The following B3GALNT2 variants were observed in gnomAD, a reference collection of about 807,000 sequenced individuals.
The protein encoded by B3GALNT2 is UDP-GalNAc:beta-1,3-N-acetylgalactosaminyltransferase 2.
A neutral mutation model predicts 61.1 loss-of-function variants in B3GALNT2; 53 were observed. That is an observed-to-expected ratio of 0.87 (90% confidence interval 0.70 to 1.09). The LOEUF is 1.09. B3GALNT2 is among the 50% of genes least tolerant of loss of function. The pLI, the probability that B3GALNT2 is intolerant of heterozygous loss-of-function variation, is 0.00. For missense variants in B3GALNT2, 544 were observed against 623.0 expected, an observed-to-expected ratio of 0.87 and a Z score of 1.35; for synonymous variants, 223 against 237.4, an observed-to-expected ratio of 0.94 and a Z score of 0.56.
intron 1 of B3GALNT2, among the ~76,000 whole-genome samples, chr1:235,498,901 G>A (rs945458204): frequency 2.8e-5 from 4 of 144,468 alleles, no homozygotes; most frequent in Admixed American, 7.3e-5. Context: ...TTGCGGGAAG[G>A]AATGTAATTT....
chr1:235,479,005 A>T (rs1179925775), intron 5 of B3GALNT2: 3 of 152,224 alleles, frequency 2.0e-5, no homozygotes, highest in Non-Finnish European at 4.4e-5. Flanking sequence ...TATAAGCAGT[A>T]TGCTGAGAGT....
At chr1:235,463,026 T>C (rs1200807834) in intron 7 of B3GALNT2, among the ~76,000 whole-genome samples, 5 of 152,172 alleles carry the variant, frequency 3.3e-5, no homozygotes, top group African/African-American at 9.7e-5. Context: ...TATATATATA[T>C]ACCATGGAGT....
At position 235,463,124 on chromosome 1, in the gene B3GALNT2, G is replaced by C. The variant is rs1184123123; in HGVS notation, c.841+2512C>G. On this transcript the variant is annotated intron_variant, in intron 7 of 11. Transcript: ENST00000366600. ...CCATTATTCTAAGTAAAGTAACTCAGGAATGGAAATCCAAACATCGTATGT... is the reference window on the plus strand; with the variant it reads ...CCATTATTCTAAGTAAAGTAACTCACGAATGGAAATCCAAACATCGTATGT... 2.0e-5 allele frequency among the ~76,000 whole-genome samples: 3 copies of C among 152,158 alleles called. No individual in the cohort carries two copies. The East Asian group carries it at 5.8e-4, about 29-fold the overall frequency.
At chr1:235,460,359 G>C (rs1356566238) in intron 7 of B3GALNT2, among the ~76,000 whole-genome samples, 1 of 149,748 alleles carries the variant, frequency 6.7e-6, no homozygotes, top group Non-Finnish European at 1.5e-5. Context: ...GGCCAGGCTG[G>C]TCTCGAACTC....
intron 7 of B3GALNT2, chr1:235,464,404 C>T (rs2102801110): frequency 6.6e-6 from 1 of 151,484 alleles, no homozygotes. Flanking sequence ...ACTCTCTCTC[C>T]CCTCCTTTCC....
Position 235,469,776 on chromosome 1 carries a change from G to A in B3GALNT2, c.762+1074C>T, listed in dbSNP as rs181785951. On this transcript the variant is annotated intron_variant, in intron 6 of 11. Coordinates refer to ENST00000366600, the MANE Select transcript of B3GALNT2 (RefSeq NM_152490.5). Reference sequence around the variant, plus strand: ...GGGGTTTCACCATGTTGGCCAGGCTGGTCTTGACCTCCTGACCTCCAGTGG... The same window carrying A: ...GGGGTTTCACCATGTTGGCCAGGCTAGTCTTGACCTCCTGACCTCCAGTGG... Among the ~76,000 whole-genome samples the A allele has an allele frequency of 8.4e-4, 128 of 151,618 alleles. 2 individuals carry two copies. The East Asian group carries it at 0.021, about 25-fold the overall frequency.
At chr1:235,459,388 C>T (rs929683224) in intron 7 of B3GALNT2, among the ~76,000 whole-genome samples, 1 of 152,014 alleles carries the variant, frequency 6.6e-6, no homozygotes, top group South Asian at 2.1e-4. Context: ...TCCGTGAAGC[C>T]GAGGGAGGAG....
At chr1:235,475,772 A>C (rs1280767679) in intron 5 of B3GALNT2, among the ~76,000 whole-genome samples, 2 of 152,200 alleles carry the variant, frequency 1.3e-5, no homozygotes, top group Non-Finnish European at 2.9e-5. Context: ...CAAAAAGAAG[A>C]AAATTAAAAT....
intron 6 of B3GALNT2, 89 bp downstream of exon 6, chr1:235,470,761 G>A: frequency 6.6e-7 from 1 of 1,518,936 alleles, no homozygotes; most frequent in Non-Finnish European, 8.8e-7. Flanking sequence ...GCTCCATGCT[G>A]CCTGGGCTCT....
At chr1:235,441,567 A>C in the B3GALNT2 span, 1 of 530,212 alleles carries the variant, frequency 1.9e-6, no homozygotes, top group East Asian at 3.2e-5. Context: ...GTTGAGTTTC[A>C]CTGGTCATTA....
intron 7 of B3GALNT2, 125 bp from the exon 8 acceptor site, chr1:235,458,911 CT>C: frequency 1.1e-6 from 1 of 871,146 alleles, no homozygotes; most frequent in Non-Finnish European, 1.6e-6. Flanking sequence ...TTGTTTGGAA[CT>C]TTAGGTAGAA....
In B3GALNT2 at chr1:235,447,985, C is replaced by A. The variant is rs192678540; in HGVS notation, c.*2221G>T. On this transcript the variant is annotated 3_prime_UTR_variant, in exon 12 of 12. Coordinates refer to ENST00000366600, the MANE Select transcript of B3GALNT2 (RefSeq NM_152490.5). ...CAGCACTTTGGGGGGCCAGGGCGGG[C>A]GGATCACGAGGTCAGGAGTTCAAGA... 1.3e-5 allele frequency among the ~76,000 whole-genome samples: 2 copies of A among 151,852 alleles called. No individual in the cohort carries two copies. The highest frequency in any genetic ancestry group is 2.9e-5 in the Non-Finnish European group (2 of 67,968).
chr1:235,453,265 CT>C (rs778003251), intron 10 of B3GALNT2, 119 bp from the exon 11 acceptor site: 28 of 1,023,870 alleles, frequency 2.7e-5, no homozygotes, highest in African/African-American at 4.9e-5. Flanking sequence ...TGTTATTATT[CT>C]AATATGAAAT....
Position 235,487,684 on chromosome 1 carries a change from A to G in B3GALNT2, c.361+1484T>C, listed in dbSNP as rs562029868. On this transcript the variant is annotated intron_variant, in intron 3 of 11. Coordinates refer to ENST00000366600, the MANE Select transcript of B3GALNT2 (RefSeq NM_152490.5). ...ACCTCCCTTAGAAACACAGCTGAAC[A>G]TAATGGGAATTGCTAATAAACACAG... Among the ~76,000 whole-genome samples the G allele has an allele frequency of 2.0e-4, 30 of 152,354 alleles. No individual in the cohort carries two copies. The East Asian group carries it at 4.6e-3, about 23-fold the overall frequency.
Position 235,454,229 on chromosome 1 carries a change from C to T in B3GALNT2, c.1238G>A (p.Gly413Glu). Residue 413 changes from glycine (G) to glutamate (E), a missense_variant, in exon 10 of 12, where the codon GGG becomes GAG. Coordinates refer to ENST00000366600, the MANE Select transcript of B3GALNT2 (RefSeq NM_152490.5). ...PSPAYPAFAC[G>E]SGYVISKDIV... ...GTCCTTGGAGATCACATATCCTGACCCACATGCAAAGGCAGGGTAAGCGGG... is the reference window on the plus strand; with the variant it reads ...GTCCTTGGAGATCACATATCCTGACTCACATGCAAAGGCAGGGTAAGCGGG... The T allele has an allele frequency of 6.2e-7, 1 of 1,613,652 alleles. No homozygotes were observed. Among genetic ancestry groups the T allele is most frequent in the Non-Finnish European group, 8.5e-7 (1 of 1,179,720 alleles).
At chr1:235,442,010 T>C in the B3GALNT2 span, 8 of 489,264 alleles carry the variant, frequency 1.6e-5, no homozygotes, top group Non-Finnish European at 2.6e-5. Context: ...AAATGAAAAT[T>C]TTTTTTTTTT....
At position 235,494,733 on chromosome 1, in the gene B3GALNT2, T is replaced by C; in HGVS notation, c.208A>G (p.Ile70Val). The C allele has an allele frequency of 3.1e-6, 5 of 1,613,208 alleles. No homozygotes were observed. Among genetic ancestry groups the C allele is most frequent in the Non-Finnish European group, 3.4e-6 (4 of 1,179,224 alleles). ...ARNNHELRNV[I>V]RSTWMRHLLQ... The stretch of plus-strand genomic sequence containing the variant: ...AAATGTCTCATCCAGGTGCTTCTTA[T>C]CACGTTTCGAAGTTCATGGTTATTG... Residue 70 changes from isoleucine (I) to valine (V), a missense_variant, in exon 2 of 12, where the codon ATA becomes GTA. Physicochemically the swap from Ile to Val is conservative, Grantham distance 29. Coordinates refer to ENST00000366600, the MANE Select transcript of B3GALNT2 (RefSeq NM_152490.5).
intron 3 of B3GALNT2, among the ~76,000 whole-genome samples, chr1:235,487,677 G>A (rs1684866124): frequency 6.6e-6 from 1 of 152,158 alleles, no homozygotes. Context: ...TAGAAACACA[G>A]CTGAACATAA....
chr1:235,479,961 A>T, intron 5 of B3GALNT2, 93 bp downstream of exon 5: 1 of 1,535,250 alleles, frequency 6.5e-7, no homozygotes, highest in African/African-American at 1.4e-5. Flanking sequence ...CTGCCCTGGT[A>T]CAAGAAAATA....
Sources: allele counts gnomAD v4.1 joint callset (sites outside exome capture counted in the v4.1 genomes callset), GRCh38; gene constraint gnomAD v4.1.1; transcripts MANE v1.5; gene names NCBI Gene and HGNC (gene_info 2026-07-23, HGNC 2026-07-21).